The following GADL1 variants were observed in gnomAD, a reference collection of about 807,000 sequenced individuals.
The protein encoded by GADL1 is GAD like acidic amino acid decarboxylase 1, also known as acidic amino acid decarboxylase GADL1.
A neutral mutation model predicts 69.5 loss-of-function variants in GADL1; 71 were observed. The observed-to-expected ratio is 1.02, with a 90% CI of 0.84 to 1.25. GADL1 has a LOEUF of 1.25. Ranked by LOEUF, GADL1 falls within the 50% of genes most tolerant of loss-of-function variation. The pLI is 0.00. For missense variants in GADL1, 737 were observed against 631.8 expected (o/e 1.17, Z -1.79); for synonymous variants, 254 against 214.4 (o/e 1.18, Z -1.62).
chr3:30,847,579 T>C (rs1002606303), intron 6 of GADL1, among the ~76,000 whole-genome samples: 1 of 152,172 alleles, frequency 6.6e-6, no homozygotes, highest in Non-Finnish European at 1.5e-5. Flanking sequence ...ATAGTGCAAA[T>C]GCTATAACCT....
chr3:30,879,910 T>C (rs1344129752), intron 1 of GADL1, among the ~76,000 whole-genome samples: 1 of 151,896 alleles, frequency 6.6e-6, no homozygotes, highest in Non-Finnish European at 1.5e-5. Context: ...ATAAAATTAT[T>C]GTTTTGCTTT....
chr3:30,858,867 T>A (rs1698272097), intron 2 of GADL1, among the ~76,000 whole-genome samples: 1 of 151,950 alleles, frequency 6.6e-6, no homozygotes, highest in Non-Finnish European at 1.5e-5. Context: ...TGAATGGGCA[T>A]AGGAAGAGGA....
intron 14 of GADL1, among the ~76,000 whole-genome samples, chr3:30,777,952 C>G (rs1696574420): frequency 6.6e-6 from 1 of 152,172 alleles, no homozygotes. Context: ...GCCAGAACTT[C>G]TACCTTACAG....
At position 30,790,609 on chromosome 3, in the gene GADL1, T is replaced by A. The variant is rs140909000; in HGVS notation, c.1251-4203A>T. 3.3e-5 allele frequency among the ~76,000 whole-genome samples: 5 copies of A among 152,280 alleles called. No homozygotes were observed. In the East Asian group the frequency reaches 7.7e-4, roughly 23 times the overall value. The stretch of plus-strand genomic sequence containing the variant: ...ATTTTAGAGTGACAACATCCAGTGG[T>A]GGTAAGAATATGATAGAAAGTTGCT... On this transcript the variant is annotated intron_variant, in intron 12 of 14. Transcript: ENST00000282538.
At chr3:30,838,062 A>G (rs1023481711) in intron 9 of GADL1, among the ~76,000 whole-genome samples, 26 of 152,126 alleles carry the variant, frequency 1.7e-4, no homozygotes, top group African/African-American at 6.0e-4. Flanking sequence ...AATCATCTAA[A>G]CTACAAAATT....
chr3:30,857,870 G>A (rs1253062312), intron 2 of GADL1, among the ~76,000 whole-genome samples: 4 of 151,974 alleles, frequency 2.6e-5, no homozygotes, highest in Non-Finnish European at 5.9e-5. Flanking sequence ...ACACGAGGGA[G>A]GTTCCCATAC....
intron 4 of GADL1, among the ~76,000 whole-genome samples, chr3:30,851,656 C>A (rs997471772): frequency 8.6e-5 from 12 of 139,070 alleles, no homozygotes; most frequent in Non-Finnish European, 1.7e-4. Flanking sequence ...CTGATAACTG[C>A]TGGAGATGTA....
chr3:30,764,984 G>GGCT (rs1379178636), intron 14 of GADL1, among the ~76,000 whole-genome samples: 1 of 152,174 alleles, frequency 6.6e-6, no homozygotes, highest in African/African-American at 2.4e-5. Context: ...CAGATTGCAG[G>GGCT]AAAAGTCTGA....
intron 11 of GADL1, among the ~76,000 whole-genome samples, chr3:30,809,418 G>A (rs1697314325): frequency 6.6e-6 from 1 of 152,176 alleles, no homozygotes; most frequent in Admixed American, 6.5e-5. Flanking sequence ...TCTGCAATTT[G>A]AGAGGCTAAT....
At chr3:30,823,422 AG>A (rs946985407) in intron 11 of GADL1, among the ~76,000 whole-genome samples, 25 of 152,128 alleles carry the variant, frequency 1.6e-4, no homozygotes, top group African/African-American at 6.0e-4. Flanking sequence ...TGGGACCCAA[AG>A]GTCTCCACCA....
intron 13 of GADL1, among the ~76,000 whole-genome samples, chr3:30,785,003 G>A (rs1019607200): frequency 1.3e-5 from 2 of 152,014 alleles, no homozygotes; most frequent in African/African-American, 4.8e-5. Flanking sequence ...TCAAACATCC[G>A]CATGGCTTGC....
Position 30,838,991 on chromosome 3 carries a change from A to G in GADL1, c.903+6T>C, listed in dbSNP as rs752670363. On this transcript the variant is annotated splice_donor_region_variant and intron_variant, in intron 9 of 14. Transcript: ENST00000282538. ...TAAACAGGTATGTACACATAAATGA[A>G]CTTACATCTACATGAAGCCAGAGGC... 2.1e-5 allele frequency: 33 copies of G among 1,539,844 alleles called. No individual in the cohort carries two copies. Among genetic ancestry groups the G allele is most frequent in the Non-Finnish European group, 2.8e-5 (32 of 1,123,642 alleles).
intron 14 of GADL1, among the ~76,000 whole-genome samples, chr3:30,775,014 TATC>T (rs1696501367): frequency 6.6e-6 from 1 of 152,228 alleles, no homozygotes; most frequent in South Asian, 2.1e-4. Flanking sequence ...AGACCTAAGA[TATC>T]ATAATGAGTG....
intron 4 of GADL1, among the ~76,000 whole-genome samples, chr3:30,852,947 T>A (rs1391153997): frequency 6.6e-6 from 1 of 152,160 alleles, no homozygotes; most frequent in African/African-American, 2.4e-5. Flanking sequence ...TCTGCTGTCA[T>A]CACTCCATCA....
intron 9 of GADL1, among the ~76,000 whole-genome samples, 155 bp from the exon 10 acceptor site, chr3:30,834,436 C>A (rs887616614): frequency 6.6e-6 from 1 of 152,072 alleles, no homozygotes; most frequent in Admixed American, 6.6e-5. Context: ...ATTCTGATCA[C>A]TGGCTCTACT....
chr3:30,762,287 T>TGA (rs1243848806), intron 14 of GADL1, among the ~76,000 whole-genome samples: 1 of 152,146 alleles, frequency 6.6e-6, no homozygotes, highest in Non-Finnish European at 1.5e-5. Context: ...AAAAGAGAAG[T>TGA]GAGGACATAT....
chr3:30,754,449 AAAG>A (rs1406347347), intron 14 of GADL1, among the ~76,000 whole-genome samples: 2 of 152,084 alleles, frequency 1.3e-5, no homozygotes, highest in Non-Finnish European at 2.9e-5. Flanking sequence ...GATATAGAAA[AAAG>A]CCTCATAGGA....
intron 1 of GADL1, among the ~76,000 whole-genome samples, chr3:30,884,624 C>T (rs564214466): frequency 1.1e-4 from 16 of 152,016 alleles, no homozygotes; most frequent in East Asian, 1.9e-4. Flanking sequence ...TCTTTGATAC[C>T]GCCCTTTTTC....
chr3:30,736,016 T>C (rs751041514), intron 14 of GADL1, among the ~76,000 whole-genome samples: 4 of 152,190 alleles, frequency 2.6e-5, no homozygotes, highest in Non-Finnish European at 4.4e-5. Flanking sequence ...GTTTTCCTTT[T>C]ACATTTTGGA....
Sources: gnomAD v4.1 joint callset for allele counts (sites outside exome capture counted in the v4.1 genomes callset) on GRCh38, gnomAD v4.1.1 for gene constraint, MANE v1.5 for transcripts, NCBI Gene and HGNC (gene_info 2026-07-23, HGNC 2026-07-21) for gene names.